The following SHANK2 variants were observed in gnomAD, a reference collection of about 807,000 sequenced individuals.
SHANK2 encodes SH3 and multiple ankyrin repeat domains 2.
SHANK2 carries 43 observed loss-of-function variants against 133.7 expected under a neutral mutation model. The observed-to-expected ratio is 0.32, with a 90% CI of 0.25 to 0.41. The LOEUF (loss-of-function observed/expected upper bound fraction) is 0.41. Ranked by LOEUF, SHANK2 falls within the 10% of genes least tolerant of loss-of-function variation. SHANK2 has a pLI of 1.00. For missense variants in SHANK2, 1,994 were observed against 2,235.8 expected, an observed-to-expected ratio of 0.89 and a Z score of 2.18; for synonymous variants, 1,017 against 952.8, an observed-to-expected ratio of 1.07 and a Z score of -1.24.
At chr11:71,245,900 C>T (rs782675173) in intron 1 of SHANK2, among the ~76,000 whole-genome samples, 3 of 152,088 alleles carry the variant, frequency 2.0e-5, no homozygotes, top group Non-Finnish European at 4.4e-5. Flanking sequence ...CCGGCTGGCC[C>T]AGGGGCAAAT....
chr11:70,846,561 T>C (rs1456956944), intron 11 of SHANK2, among the ~76,000 whole-genome samples: 2 of 152,182 alleles, frequency 1.3e-5, no homozygotes, highest in Non-Finnish European at 2.9e-5. Flanking sequence ...CGGCCTCATC[T>C]GTCAATCAAT....
At chr11:70,870,980 G>A (rs1037170995) in intron 11 of SHANK2, among the ~76,000 whole-genome samples, 7 of 152,144 alleles carry the variant, frequency 4.6e-5, no homozygotes, top group Admixed American at 6.5e-5. Flanking sequence ...GTTTCACCAT[G>A]TTGGCCAGGC....
chr11:71,089,218 G>A (rs1017630912), intron 8 of SHANK2, among the ~76,000 whole-genome samples: 4 of 152,166 alleles, frequency 2.6e-5, no homozygotes, highest in South Asian at 2.1e-4. Context: ...AACAGGAGCC[G>A]AAGCTCACGC....
intron 25 of SHANK2, among the ~76,000 whole-genome samples, chr11:70,476,183 G>A (rs1179050513): frequency 2.6e-5 from 4 of 152,112 alleles, no homozygotes; most frequent in South Asian, 2.1e-4. Flanking sequence ...AGCTGAGATC[G>A]TGCCACTGCA....
chr11:70,648,471 G>A (rs2061298446), intron 17 of SHANK2, among the ~76,000 whole-genome samples: 1 of 152,180 alleles, frequency 6.6e-6, no homozygotes, highest in South Asian at 2.1e-4. Flanking sequence ...TGGCTTCTCT[G>A]CATTACCAAT....
At chr11:70,836,471 G>C (rs1207066310) in intron 11 of SHANK2, among the ~76,000 whole-genome samples, 5 of 152,320 alleles carry the variant, frequency 3.3e-5, no homozygotes, top group East Asian at 1.9e-4. Flanking sequence ...TGGAGGGAAA[G>C]GACTTCCTGT....
At chr11:71,114,946 TC>T (rs1951951599) in intron 4 of SHANK2, among the ~76,000 whole-genome samples, 1 of 152,098 alleles carries the variant, frequency 6.6e-6, no homozygotes, top group Non-Finnish European at 1.5e-5. Context: ...GAGTGTTTAT[TC>T]CAGAGTCACA....
At chr11:71,252,978 G>A (rs1715057285), upstream of SHANK2, among the ~76,000 whole-genome samples, 1 of 152,232 alleles carries the variant, frequency 6.6e-6, no homozygotes, top group Non-Finnish European at 1.5e-5. This position sits in a 1 kb window ranked among gnomAD's most constrained non-coding sequence, Gnocchi z 6.3. Flanking sequence ...AATAGGATTT[G>A]GAAATAGAGG....
At chr11:70,669,126 T>C (rs1591728774) in intron 15 of SHANK2, 1 of 152,296 alleles carries the variant, frequency 6.6e-6, no homozygotes, top group East Asian at 1.9e-4. Context: ...CATGCTTCCA[T>C]CTGAACAATG....
intron 9 of SHANK2, among the ~76,000 whole-genome samples, chr11:71,060,463 G>T (rs1392778396): frequency 6.6e-6 from 1 of 152,252 alleles, no homozygotes; most frequent in Non-Finnish European, 1.5e-5. Flanking sequence ...AGGCCTCAAG[G>T]GGGGACGCCA....
intron 17 of SHANK2, among the ~76,000 whole-genome samples, chr11:70,590,849 T>A (rs1467481091): frequency 1.3e-5 from 2 of 151,816 alleles, no homozygotes; most frequent in East Asian, 1.9e-4. Context: ...CCCACAAATA[T>A]CCCCAGGTCG....
intron 10 of SHANK2, among the ~76,000 whole-genome samples, chr11:70,921,547 G>A (rs1370069778): frequency 6.6e-6 from 1 of 152,226 alleles, no homozygotes; most frequent in African/African-American, 2.4e-5. Flanking sequence ...TTCAATATTT[G>A]CCGAATTCTG....
At chr11:70,522,034 G>A (rs1295417622) in intron 17 of SHANK2, among the ~76,000 whole-genome samples, 2 of 152,154 alleles carry the variant, frequency 1.3e-5, no homozygotes, top group African/African-American at 2.4e-5. Context: ...TGGCTCTAAC[G>A]GTTTCTTATC....
At chr11:71,126,694 G>A (rs1485005596) in intron 3 of SHANK2, among the ~76,000 whole-genome samples, 3 of 151,662 alleles carry the variant, frequency 2.0e-5, no homozygotes, top group Admixed American at 6.6e-5. Flanking sequence ...CATTAAGTTC[G>A]GAAGAAGTTG....
intron 12 of SHANK2, among the ~76,000 whole-genome samples, chr11:70,818,318 T>C (rs1305024180): frequency 6.6e-6 from 1 of 151,922 alleles, no homozygotes; most frequent in East Asian, 1.9e-4. Context: ...CACAAACACA[T>C]ACACACATGC....
intron 10 of SHANK2, among the ~76,000 whole-genome samples, chr11:70,916,908 C>G (rs113274318): frequency 2.0e-5 from 3 of 152,280 alleles, no homozygotes; most frequent in Non-Finnish European, 2.9e-5. Context: ...ACGGTACCTG[C>G]GACCTTAAGC....
At chr11:71,204,312 C>T (rs1354733055) in intron 2 of SHANK2, among the ~76,000 whole-genome samples, 1 of 152,256 alleles carries the variant, frequency 6.6e-6, no homozygotes, top group African/African-American at 2.4e-5. Flanking sequence ...AGGCCCCCGG[C>T]TCAGGGCACG....
intron 14 of SHANK2, among the ~76,000 whole-genome samples, chr11:70,738,495 G>C (rs1946454377): frequency 6.6e-6 from 1 of 152,222 alleles, no homozygotes; most frequent in South Asian, 2.1e-4. Flanking sequence ...CCCCTCGTGT[G>C]CGGGGAGCAA....
intron 14 of SHANK2, among the ~76,000 whole-genome samples, chr11:70,763,913 T>A (rs1296206894): frequency 6.6e-6 from 1 of 152,172 alleles, no homozygotes; most frequent in African/African-American, 2.4e-5. Flanking sequence ...TTAAACCGCT[T>A]TTTAAAAGGG....
Sources: allele counts gnomAD v4.1 joint callset (sites outside exome capture counted in the v4.1 genomes callset), GRCh38; gene constraint gnomAD v4.1.1; non-coding constraint Gnocchi (gnomAD v3.1); transcripts MANE v1.5; gene names NCBI Gene and HGNC (gene_info 2026-07-23, HGNC 2026-07-21).